WDR41: variants seen among roughly 807,000 people sequenced by gnomAD.
WDR41 encodes the protein WD repeat domain 41, also known as WD repeat-containing protein 41.
In WDR41, 63 loss-of-function variants were observed where a neutral mutation model predicts 69.3. That is an observed-to-expected ratio of 0.91 (90% confidence interval 0.74 to 1.12). The LOEUF is 1.12. Among genes scored for constraint, WDR41 ranks in the 50% most tolerant of loss-of-function variants. WDR41 has a pLI of 0.00. For synonymous variants in WDR41, 185 were observed against 192.1 expected (o/e 0.96, Z 0.31); for missense variants, 543 against 534.5 (o/e 1.02, Z -0.16).
intron 1 of WDR41, among the ~76,000 whole-genome samples, chr5:77,518,053 A>G (rs560016445): frequency 6.6e-6 from 1 of 152,274 alleles, no homozygotes; most frequent in Non-Finnish European, 1.5e-5. Context: ...GTTGCATTGT[A>G]ACCACTTCTC....
At position 77,512,355 on chromosome 5, in the gene WDR41, A is replaced by AGTGT. The variant is rs111485869; in HGVS notation, c.43-22787_43-22784dup. Among the ~76,000 whole-genome samples, 502 of 119,328 alleles carry AGTGT rather than the reference A, an allele frequency of 4.2e-3. 2 individuals carry two copies. Among genetic ancestry groups the AGTGT allele is most frequent in the Admixed American group, 9.0e-3 (105 of 11,710 alleles). 78.3% of individuals were successfully genotyped at this position (119,328 alleles called of 152,430 possible). On this transcript the variant is annotated intron_variant, in intron 1 of 5. Transcript: ENST00000509971. ...GTGAGAGAGAGAGAGAGAGAGAGTG[A>AGTGT]GTGTGTGTGTGTGTGTGTGTGTGTG...
intron 1 of WDR41, among the ~76,000 whole-genome samples, chr5:77,583,992 A>G (rs995351100): frequency 1.3e-5 from 2 of 152,228 alleles, no homozygotes; most frequent in East Asian, 3.8e-4. Context: ...AAAAAACTAC[A>G]TAATCATCTC....
At chr5:77,457,031 G>C (rs556456882) in intron 5 of WDR41, among the ~76,000 whole-genome samples, 29 of 152,232 alleles carry the variant, frequency 1.9e-4, no homozygotes, top group African/African-American at 6.5e-4. Context: ...TACGAAATTA[G>C]CCTTGAGATT....
chr5:77,516,266 A>G (rs1235816905), intron 1 of WDR41, among the ~76,000 whole-genome samples: 1 of 152,126 alleles, frequency 6.6e-6, no homozygotes, highest in Non-Finnish European at 1.5e-5. Context: ...TATTATTTGC[A>G]TTTCTATAAA....
chr5:77,582,589 G>A, intron 1 of WDR41: 1 of 1,600,314 alleles, frequency 6.2e-7, no homozygotes, highest in South Asian at 1.1e-5. Flanking sequence ...AATTCGAGTG[G>A]CGAGGATGGC....
intron 1 of WDR41, among the ~76,000 whole-genome samples, chr5:77,612,946 T>C (rs1169725886): frequency 2.6e-5 from 4 of 151,744 alleles, no homozygotes; most frequent in African/African-American, 9.7e-5. Context: ...TTCAGCAAAG[T>C]CTCAGGATAC....
rs116035901 is a variant in WDR41, at chr5:77,488,009, C to A, written c.167+1448G>T. ...AGGCCTTGCCCTATATACATCCTCT[C>A]ATTTGGCCGGTCCTAATTTGTATCT... On this transcript the variant is annotated intron_variant, in intron 2 of 12. Transcript: ENST00000296679. 5.6e-3 allele frequency among the ~76,000 whole-genome samples: 857 copies of A among 152,268 alleles called. 6 individuals carry two copies. The highest frequency in any genetic ancestry group is 0.019 in the African/African-American group (795 of 41,558).
intron 1 of WDR41, among the ~76,000 whole-genome samples, chr5:77,503,398 G>C (rs1260337043): frequency 9.2e-5 from 14 of 152,162 alleles, no homozygotes; most frequent in Middle Eastern, 3.4e-3. Flanking sequence ...GACCTACAAA[G>C]AGACTTAGAC....
intron 2 of WDR41, among the ~76,000 whole-genome samples, chr5:77,470,254 G>C (rs1561750208): frequency 6.6e-6 from 1 of 152,138 alleles, no homozygotes; most frequent in Non-Finnish European, 1.5e-5. Context: ...CACCAGGCCT[G>C]TCTTAAAAGA....
At chr5:77,585,566 A>C (rs1190434107) in intron 1 of WDR41, among the ~76,000 whole-genome samples, 2 of 152,228 alleles carry the variant, frequency 1.3e-5, no homozygotes, top group African/African-American at 4.8e-5. Context: ...AAATCGTGGA[A>C]CCAACCCAAA....
chr5:77,476,566 C>T (rs1164726169), intron 2 of WDR41, among the ~76,000 whole-genome samples: 1 of 150,826 alleles, frequency 6.6e-6, no homozygotes, highest in Non-Finnish European at 1.5e-5. Flanking sequence ...TCATATCCAG[C>T]CAAACTAAGC....
chr5:77,603,007 C>T (rs1320297847), intron 1 of WDR41, among the ~76,000 whole-genome samples: 7 of 149,674 alleles, frequency 4.7e-5, no homozygotes, highest in Non-Finnish European at 7.4e-5. Context: ...GGCTCAATCT[C>T]GACTCCTGCA....
At chr5:77,584,942 G>A (rs959804497) in intron 1 of WDR41, among the ~76,000 whole-genome samples, 28 of 152,022 alleles carry the variant, frequency 1.8e-4, no homozygotes, top group South Asian at 4.1e-4. Context: ...GAGCTCAAAA[G>A]CAAATGCAAT....
intron 1 of WDR41, among the ~76,000 whole-genome samples, chr5:77,570,830 G>A (rs13361688): frequency 0.32 from 49,225 of 151,552 alleles, 9,145 homozygotes; most frequent in African/African-American, 0.49. Flanking sequence ...TCTTCAGAGA[G>A]CAAATTAATT....
intron 1 of WDR41, among the ~76,000 whole-genome samples, chr5:77,580,665 T>G (rs945542328): frequency 1.3e-5 from 2 of 151,788 alleles, no homozygotes; most frequent in African/African-American, 4.8e-5. Flanking sequence ...ATATAAAAAA[T>G]AAAAAGTAGG....
At chr5:77,447,530 C>T (rs163015) in intron 8 of WDR41, among the ~76,000 whole-genome samples, 76,802 of 151,928 alleles carry the variant, frequency 0.51, 19,816 homozygotes, top group African/African-American at 0.59. Context: ...TGCCCATCAA[C>T]GATAGATTGG....
intron 1 of WDR41, among the ~76,000 whole-genome samples, chr5:77,509,778 C>T (rs1451584451): frequency 6.6e-6 from 1 of 152,174 alleles, no homozygotes; most frequent in Admixed American, 6.5e-5. Context: ...AATAGCTTCA[C>T]ATATCTGTAA....
chr5:77,516,157 G>T (rs1193829566), intron 1 of WDR41, among the ~76,000 whole-genome samples: 1 of 151,878 alleles, frequency 6.6e-6, no homozygotes, highest in African/African-American at 2.4e-5. Flanking sequence ...ATCTGTTTTG[G>T]GTATTTAAAA....
chr5:77,516,569 A>G (rs1802294108), intron 1 of WDR41, among the ~76,000 whole-genome samples: 1 of 136,518 alleles, frequency 7.3e-6, no homozygotes, highest in Non-Finnish European at 1.5e-5. Flanking sequence ...GGGCTGTTTT[A>G]GCACCCCATG....
Sources: allele counts gnomAD v4.1 joint callset (sites outside exome capture counted in the v4.1 genomes callset), GRCh38; gene constraint gnomAD v4.1.1; transcripts MANE v1.5; gene names NCBI Gene and HGNC (gene_info 2026-07-23, HGNC 2026-07-21).